Variants in CNTN2 observed in about 807,000 individuals in gnomAD.
The protein encoded by CNTN2 is contactin-2.
In CNTN2, 53 loss-of-function variants were observed where a neutral mutation model predicts 117.5. That is an observed-to-expected ratio of 0.45 (90% CI 0.36 to 0.57). The LOEUF (loss-of-function observed/expected upper bound fraction) is 0.57. Ranked by LOEUF, CNTN2 falls within the 20% of genes least tolerant of loss-of-function variation. The probability of loss-of-function intolerance (pLI) is 0.00; values close to 1 mark genes in which losing one functional copy is unlikely to be tolerated. For missense variants in CNTN2, 1,106 were observed against 1,404.3 expected, an observed-to-expected ratio of 0.79 and a Z score of 3.39; for synonymous variants, 530 against 561.7, an observed-to-expected ratio of 0.94 and a Z score of 0.80.
In CNTN2 at chr1:205,058,763, C is replaced by T; in HGVS notation, c.487+100C>T. On this transcript the variant is annotated intron_variant, in intron 5 of 22. Transcript: ENST00000331830. The surrounding 1 kb of genome is among the most constrained non-coding windows in gnomAD (Gnocchi z 4.3). Reference sequence around the variant, plus strand: ...AATAAAAGGAGACCCCTGGAAATGACCCTTAGAAGCACCCATCCCTGGGAC... The same window carrying T: ...AATAAAAGGAGACCCCTGGAAATGATCCTTAGAAGCACCCATCCCTGGGAC... The T allele has an allele frequency of 2.3e-6, 2 of 886,098 alleles. No homozygotes were observed. Among genetic ancestry groups the T allele is most frequent in the Middle Eastern group, 2.4e-4 (1 of 4,220 alleles). The allele number at this position is 886,098 out of a possible 1,614,324, so 54.9% of individuals were successfully genotyped here.
intron 18 of CNTN2, 115 bp downstream of exon 18, chr1:205,070,176 G>C: frequency 9.9e-7 from 1 of 1,013,796 alleles, no homozygotes; most frequent in Non-Finnish European, 1.5e-6. Flanking sequence ...GAGGTTGAGA[G>C]GACACCTGGG....
rs1376470209 is a variant in CNTN2 at position 205,059,672 on chromosome 1, G to T, written c.787G>T (p.Ala263Ser). Residue 263 changes from alanine to serine, a missense_variant, in exon 7 of 23, where the codon GCC becomes TCC. Physicochemically the swap from Ala to Ser is moderately conservative, Grantham distance 99 (BLOSUM62 1). Coordinates refer to ENST00000331830, the MANE Select transcript of CNTN2 (RefSeq NM_005076.5). This position sits in a 1 kb window ranked among gnomAD's most constrained non-coding sequence, Gnocchi z 5.6. ...GCAGCAGGTCACCCTGGAGTGCTTC[G>T]CCTTTGGGAAGTGAGTGTGAAGAGG... ...VGQQVTLECF[A>S]FGNPVPRIKW... The T allele has an allele frequency of 6.2e-7, 1 of 1,612,884 alleles. No individual in the cohort carries two copies. The highest frequency in any genetic ancestry group is 1.7e-5 in the Admixed American group (1 of 59,770).
In CNTN2 at chr1:205,073,105, T is replaced by G; in HGVS notation, c.2882T>G (p.Leu961Arg). Residue 961 changes from leucine (L) to arginine (R), a missense_variant, in exon 22 of 23, where the codon CTC (leucine) becomes CGC (arginine). Transcript: ENST00000331830. The surrounding 1 kb of genome is among the most constrained non-coding windows in gnomAD (Gnocchi z 6.3). ...AATGACTTACACCTGACTCCCACGC[T>G]CCACCTCACCGGCAAGAACTGGATA... ...YQNDLHLTPT[L>R]HLTGKNWIEI... is the part of the protein sequence containing the mutation. The G allele has an allele frequency of 6.2e-7, 1 of 1,614,036 alleles. No homozygotes were observed. Among genetic ancestry groups the G allele is most frequent in the East Asian group, 2.2e-5 (1 of 44,878 alleles).
In CNTN2 at chr1:205,061,201, G is replaced by A. The variant is rs760556023; in HGVS notation, c.798-44G>A. On this transcript the variant is annotated intron_variant, in intron 7 of 22. Coordinates refer to ENST00000331830, the MANE Select transcript of CNTN2 (RefSeq NM_005076.5). This position sits in a 1 kb window ranked among gnomAD's most constrained non-coding sequence, Gnocchi z 4.8. ...AGGAGCTGCGGGCACTGGAGGGGTA[G>A]GCCCAGCTCAGCCCACACCCTCTGG... 1 of 1,556,692 alleles carries A rather than the reference G, an allele frequency of 6.4e-7. No homozygotes were observed. The highest frequency in any genetic ancestry group is 8.7e-7 in the Non-Finnish European group (1 of 1,145,346).
intron 19 of CNTN2, 134 bp from the exon 20 acceptor site, chr1:205,071,813 G>C (rs1202775545): frequency 4.1e-5 from 31 of 758,360 alleles, no homozygotes; most frequent in Non-Finnish European, 6.4e-5. Flanking sequence ...TCATGATCTA[G>C]TCTCCAGGTT....
Position 205,059,369 on chromosome 1 carries a change from T to C in CNTN2, c.697+76T>C, listed in dbSNP as rs1653846515. On this transcript the variant is annotated intron_variant, in intron 6 of 22. Transcript: ENST00000331830. This position sits in a 1 kb window ranked among gnomAD's most constrained non-coding sequence, Gnocchi z 5.6. Reference sequence around the variant, plus strand: ...GGCATTAGGAAAAGGGTTTTTCCTTTGGAGATTGGAAGATCAGCTTGCAGG... The same window carrying C: ...GGCATTAGGAAAAGGGTTTTTCCTTCGGAGATTGGAAGATCAGCTTGCAGG... The C allele has an allele frequency of 7.0e-7, 1 of 1,426,574 alleles. No homozygotes were observed. The highest frequency in any genetic ancestry group is 9.7e-7 in the Non-Finnish European group (1 of 1,033,692). The allele number at this position is 1,426,574 out of a possible 1,614,324, so 88.4% of individuals were successfully genotyped here.
At chr1:205,072,279 T>C (rs1654634613) in intron 20 of CNTN2, 146 bp downstream of exon 20, 1 of 906,984 alleles carries the variant, frequency 1.1e-6, no homozygotes, top group Admixed American at 2.8e-5. Context: ...CTAATGGAAA[T>C]AAGGGAATGG....
intron 21 of CNTN2, 151 bp from the exon 22 acceptor site, chr1:205,072,917 T>C (rs748535735): frequency 2.5e-6 from 2 of 806,054 alleles, no homozygotes; most frequent in Non-Finnish European, 3.9e-6. Flanking sequence ...CCTCCACCAA[T>C]GAGGAGCTTT....
Position 205,058,083 on chromosome 1 carries a change from G to A in CNTN2, c.215+18G>A. 1.2e-6 allele frequency: 2 copies of A among 1,611,236 alleles called. No homozygotes were observed. Among genetic ancestry groups the A allele is most frequent in the Non-Finnish European group, 8.5e-7 (1 of 1,178,926 alleles). The stretch of plus-strand genomic sequence containing the variant: ...ACCTATCGGTAAGGCCTCTGCAGTG[G>A]GTGCTGGGAGGCCCTGGGCAGCCGT... On this transcript the variant is annotated intron_variant, in intron 3 of 22. Coordinates refer to ENST00000331830, the MANE Select transcript of CNTN2 (RefSeq NM_005076.5). The surrounding 1 kb of genome is among the most constrained non-coding windows in gnomAD (Gnocchi z 4.3).
In CNTN2 at chr1:205,072,078, C is replaced by T. The variant is rs1417604503; in HGVS notation, c.2676C>T (p.Asn892=). 1 of 1,614,042 alleles carries T rather than the reference C, an allele frequency of 6.2e-7. No homozygotes were observed. The highest frequency in any genetic ancestry group is 1.7e-5 in the Admixed American group (1 of 60,020). The change falls in exon 20 of 23, where the codon AAC becomes AAT. Residue 892 remains asparagine (N), a synonymous_variant. Transcript: ENST00000331830. ...TKYHVTVRAY[N]RAGTGPASPS... is the part of the protein sequence containing the mutation. ...ACCATGTGACCGTGAGGGCCTACAA[C>T]CGGGCTGGCACTGGGCCTGCCAGCC...
In CNTN2 at chr1:205,073,258, T is replaced by G; in HGVS notation, c.3013+22T>G. On this transcript the variant is annotated intron_variant, in intron 22 of 22. Coordinates refer to ENST00000331830, the MANE Select transcript of CNTN2 (RefSeq NM_005076.5). The surrounding 1 kb of genome is among the most constrained non-coding windows in gnomAD (Gnocchi z 6.3). ...GGAGGTGCTGCTCCTCCCCTACCCT[T>G]ATCCCCTCGAGAGATTCAGGATCCA... The G allele has an allele frequency of 6.2e-7, 1 of 1,611,506 alleles. No homozygotes were observed. The highest frequency in any genetic ancestry group is 1.3e-5 in the African/African-American group (1 of 74,922).
In CNTN2 at chr1:205,061,600, A is replaced by C; in HGVS notation, c.973+180A>C. The C allele has an allele frequency of 1.2e-6, 1 of 823,544 alleles. No individual in the cohort carries two copies. The highest frequency in any genetic ancestry group is 1.8e-6 in the Non-Finnish European group (1 of 549,058). 51.0% of individuals were successfully genotyped at this position (823,544 alleles called of 1,614,324 possible). ...AGGAGGCTAGTGCTGTGGTCACCTC[A>C]GAGCTTCAGTCAGGGGTGCAGAAAG... On this transcript the variant is annotated intron_variant, in intron 8 of 22. Coordinates refer to ENST00000331830, the MANE Select transcript of CNTN2 (RefSeq NM_005076.5). The surrounding 1 kb of genome is among the most constrained non-coding windows in gnomAD (Gnocchi z 4.8).
In CNTN2 at chr1:205,065,811, C is replaced by T; in HGVS notation, c.1718C>T (p.Thr573Ile). 6.2e-7 allele frequency: 1 copy of T among 1,614,028 alleles called. No homozygotes were observed. The highest frequency in any genetic ancestry group is 1.1e-5 in the South Asian group (1 of 91,070). Residue 573 changes from threonine (T) to isoleucine (I), a missense_variant, in exon 14 of 23, where the codon ACC becomes ATC. Transcript: ENST00000331830. This position sits in a 1 kb window ranked among gnomAD's most constrained non-coding sequence, Gnocchi z 4.1. The part of the protein sequence containing the change: ...TNVKETIGDL[T>I]ILNAQLRHGG... ...CAGAAGGAGACCATTGGGGATCTGA[C>T]CATCCTGAACGCCCAGCTGCGCCAT...
chr1:205,056,916 G>T (rs1050275837), intron 2 of CNTN2, among the ~76,000 whole-genome samples: 1 of 152,214 alleles, frequency 6.6e-6, no homozygotes, highest in African/African-American at 2.4e-5. Flanking sequence ...AGCTCAGGAG[G>T]AATTGATCTG....
intron 10 of CNTN2, 73 bp from the exon 11 acceptor site, chr1:205,064,249 A>G: frequency 6.7e-7 from 1 of 1,487,366 alleles, no homozygotes; most frequent in Admixed American, 2.3e-5. Flanking sequence ...GCGTGGCTTC[A>G]AAGGGCACGC....
intron 12 of CNTN2, 120 bp downstream of exon 12, chr1:205,064,870 A>G: frequency 1.4e-6 from 2 of 1,465,490 alleles, no homozygotes; most frequent in Admixed American, 3.8e-5. Context: ...CCCAGGATTC[A>G]GTTTTGCTTG....
rs200098924 is a variant in CNTN2, at chr1:205,064,376, G to A, written c.1295G>A (p.Arg432His). 2.0e-4 allele frequency: 316 copies of A among 1,609,554 alleles called. No homozygotes were observed. Among genetic ancestry groups the A allele is most frequent in the Non-Finnish European group, 2.6e-4 (302 of 1,176,340 alleles). ...NPVRRLIPAA[R>H]GGEILIPCQP... Reference sequence around the variant, plus strand: ...GTGAGGCGTCTGATCCCCGCGGCCCGCGGGGGAGAGATCCTTATCCCCTGC... The same window carrying A: ...GTGAGGCGTCTGATCCCCGCGGCCCACGGGGGAGAGATCCTTATCCCCTGC... The change falls in exon 11 of 23, where the codon CGC becomes CAC. Residue 432 changes from arginine to histidine, a missense_variant. Transcript: ENST00000331830.
chr1:205,053,940 G>C (rs1190147387), intron 2 of CNTN2, among the ~76,000 whole-genome samples: 5 of 152,196 alleles, frequency 3.3e-5, no homozygotes, highest in Non-Finnish European at 7.3e-5. Flanking sequence ...GAGAGGCAGA[G>C]GAAGGCTGGC....
In CNTN2 at chr1:205,058,523, G is replaced by C. The variant is rs765324113; in HGVS notation, c.392-45G>C. Reference sequence around the variant, plus strand: ...TGAAGGATGAGTCGGGGAGGGGCTCGCAGGCCAGGAGGACAGTGCCTGAGC... The same window carrying C: ...TGAAGGATGAGTCGGGGAGGGGCTCCCAGGCCAGGAGGACAGTGCCTGAGC... On this transcript the variant is annotated intron_variant, in intron 4 of 22. Transcript: ENST00000331830. The surrounding 1 kb of genome is among the most constrained non-coding windows in gnomAD (Gnocchi z 4.3). The C allele has an allele frequency of 1.3e-6, 2 of 1,593,430 alleles. No homozygotes were observed. Among genetic ancestry groups the C allele is most frequent in the Non-Finnish European group, 1.7e-6 (2 of 1,163,214 alleles).
Sources: allele counts gnomAD v4.1 joint callset (sites outside exome capture counted in the v4.1 genomes callset), GRCh38; gene constraint gnomAD v4.1.1; non-coding constraint Gnocchi (gnomAD v3.1); transcripts MANE v1.5; gene names NCBI Gene and HGNC (gene_info 2026-07-23, HGNC 2026-07-21).